UBE2E2: variants seen among roughly 807,000 people sequenced by gnomAD.
The protein encoded by UBE2E2 is ubiquitin conjugating enzyme E2 E2.
UBE2E2 carries 6 observed loss-of-function variants against 24.7 expected under a neutral mutation model. The ratio of observed to expected loss-of-function variants is 0.24; its 90% CI spans 0.13 to 0.48. The LOEUF (loss-of-function observed/expected upper bound fraction) is 0.48. Ranked by LOEUF, UBE2E2 falls within the 20% of genes least tolerant of loss-of-function variation. UBE2E2 has a pLI of 0.99. For missense variants in UBE2E2, 169 were observed against 245.0 expected (o/e 0.69, Z 2.07); for synonymous variants, 104 against 83.6 (o/e 1.24, Z -1.33).
chr3:23,531,080 G>A (rs1239584644), intron 4 of UBE2E2, among the ~76,000 whole-genome samples: 1 of 152,216 alleles, frequency 6.6e-6, no homozygotes, highest in African/African-American at 2.4e-5. Context: ...TAGAAGGGCA[G>A]TTCTCATTAG....
At chr3:23,418,419 A>G (rs966441073) in intron 3 of UBE2E2, among the ~76,000 whole-genome samples, 3 of 152,140 alleles carry the variant, frequency 2.0e-5, no homozygotes, top group African/African-American at 7.2e-5. Context: ...CCTTAGTTGG[A>G]AATGCAGAAA....
chr3:23,309,707 C>T (rs930912763), intron 3 of UBE2E2, among the ~76,000 whole-genome samples: 1 of 152,148 alleles, frequency 6.6e-6, no homozygotes, highest in African/African-American at 2.4e-5. Context: ...AAAAAGATGT[C>T]TGCTGAATAG....
chr3:23,210,618 A>G (rs1254434902), intron 2 of UBE2E2, among the ~76,000 whole-genome samples: 2 of 152,216 alleles, frequency 1.3e-5, no homozygotes, highest in African/African-American at 4.8e-5. Context: ...AATATAGAAG[A>G]TATTTTTCTG....
chr3:23,357,059 C>G (rs1695976510), intron 3 of UBE2E2, among the ~76,000 whole-genome samples: 1 of 152,182 alleles, frequency 6.6e-6, no homozygotes, highest in Non-Finnish European at 1.5e-5. Flanking sequence ...TGTAGAAAGT[C>G]TCACACTGGC....
At chr3:23,231,638 G>A (rs1696976187) in intron 3 of UBE2E2, among the ~76,000 whole-genome samples, 1 of 152,094 alleles carries the variant, frequency 6.6e-6, no homozygotes, top group Non-Finnish European at 1.5e-5. Context: ...ACTACAGATT[G>A]AGGGCTTAGT....
chr3:23,498,503 A>G (rs796755333), intron 3 of UBE2E2, among the ~76,000 whole-genome samples: 8 of 152,326 alleles, frequency 5.3e-5, no homozygotes, highest in African/African-American at 1.9e-4. Context: ...TGATGAATCA[A>G]TTTGGAGAAA....
chr3:23,443,244 C>G (rs1374977652), intron 3 of UBE2E2, among the ~76,000 whole-genome samples: 1 of 152,178 alleles, frequency 6.6e-6, no homozygotes, highest in Non-Finnish European at 1.5e-5. Context: ...ATAAAGGCAC[C>G]ACAGACTATT....
intron 3 of UBE2E2, among the ~76,000 whole-genome samples, chr3:23,372,412 C>T (rs1320399922): frequency 6.6e-6 from 1 of 152,158 alleles, no homozygotes; most frequent in Non-Finnish European, 1.5e-5. Context: ...CTGAAATTTC[C>T]CAACACTGAC....
Position 23,443,121 on chromosome 3 carries a change from T to C in UBE2E2, c.228-56487T>C, listed in dbSNP as rs572303397. 5.3e-4 allele frequency among the ~76,000 whole-genome samples: 81 copies of C among 152,270 alleles called. 1 individual carries two copies. The highest frequency in any genetic ancestry group is 3.4e-3 in the Middle Eastern group (1 of 294). On this transcript the variant is annotated intron_variant, in intron 3 of 5. Coordinates refer to ENST00000396703, the MANE Select transcript of UBE2E2 (RefSeq NM_152653.4). ...CTCGTGGCCATTAATGGACCAAGTG[T>C]TAGGTCTTCTTCTCTTTTCTCTTCC...
At chr3:23,339,953 GAGTT>G (rs1325722273) in intron 3 of UBE2E2, among the ~76,000 whole-genome samples, 14 of 152,056 alleles carry the variant, frequency 9.2e-5, no homozygotes, top group African/African-American at 2.2e-4. Context: ...TAGAGAAAAA[GAGTT>G]AGGATGAAAA....
intron 3 of UBE2E2, among the ~76,000 whole-genome samples, chr3:23,347,192 C>T (rs545929053): frequency 6.6e-6 from 1 of 152,200 alleles, no homozygotes; most frequent in Admixed American, 6.5e-5. Flanking sequence ...ACCCAGCCAT[C>T]CCATTACTGG....
At chr3:23,384,264 C>G (rs1280586022) in intron 3 of UBE2E2, among the ~76,000 whole-genome samples, 5 of 152,088 alleles carry the variant, frequency 3.3e-5, no homozygotes, top group Non-Finnish European at 5.9e-5. Context: ...CTGGGCTCAA[C>G]CAGTCCTCCT....
chr3:23,337,613 G>C (rs1352786815), intron 3 of UBE2E2, among the ~76,000 whole-genome samples: 2 of 152,200 alleles, frequency 1.3e-5, no homozygotes, highest in Non-Finnish European at 2.9e-5. Flanking sequence ...GTGAAGACTT[G>C]AATGATATAT....
chr3:23,276,895 T>G (rs1312399941), intron 3 of UBE2E2, among the ~76,000 whole-genome samples: 2 of 152,152 alleles, frequency 1.3e-5, no homozygotes, highest in East Asian at 1.9e-4. Context: ...TTTAGCAGAA[T>G]AATTTTTGTA....
chr3:23,401,971 C>T (rs1218530241), intron 3 of UBE2E2, among the ~76,000 whole-genome samples: 5 of 149,532 alleles, frequency 3.3e-5, no homozygotes, highest in Non-Finnish European at 7.4e-5. Context: ...ATTCTCCTGT[C>T]TCAGCCTCCC....
At chr3:23,424,140 C>T (rs557311047) in intron 3 of UBE2E2, among the ~76,000 whole-genome samples, 30 of 152,302 alleles carry the variant, frequency 2.0e-4, no homozygotes, top group African/African-American at 7.0e-4. Context: ...TTTATTCTCT[C>T]AAACCCTTCA....
intron 3 of UBE2E2, among the ~76,000 whole-genome samples, chr3:23,456,885 A>G (rs1285216406): frequency 1.3e-5 from 2 of 152,190 alleles, no homozygotes; most frequent in African/African-American, 2.4e-5. Flanking sequence ...TCTCCTCTCT[A>G]GCTCGGAAAG....
rs1487571208 is a variant in UBE2E2 at position 23,354,799 on chromosome 3, A to G, written c.227+137487A>G. Among the ~76,000 whole-genome samples the G allele has an allele frequency of 6.6e-5, 10 of 152,372 alleles. No individual in the cohort carries two copies. The East Asian group carries it at 1.2e-3, about 18-fold the overall frequency. ...GTTGGTGGGAATGTAAACTAGTTCAACCATTGTGGAAGACAGTGTGGCAAT... is the reference window on the plus strand; with the variant it reads ...GTTGGTGGGAATGTAAACTAGTTCAGCCATTGTGGAAGACAGTGTGGCAAT... On this transcript the variant is annotated intron_variant, in intron 3 of 5. Coordinates refer to ENST00000396703, the MANE Select transcript of UBE2E2 (RefSeq NM_152653.4).
chr3:23,375,357 A>G (rs1028673507), intron 3 of UBE2E2, among the ~76,000 whole-genome samples: 5 of 152,166 alleles, frequency 3.3e-5, no homozygotes, highest in Non-Finnish European at 4.4e-5. Flanking sequence ...TGAGAATGCT[A>G]CCTGATCCAA....
Sources: allele counts gnomAD v4.1 joint callset (sites outside exome capture counted in the v4.1 genomes callset), GRCh38; gene constraint gnomAD v4.1.1; transcripts MANE v1.5; gene names NCBI Gene and HGNC (gene_info 2026-07-23, HGNC 2026-07-21).